Variants in ARHGAP17 observed in about 807,000 individuals in gnomAD.
ARHGAP17 encodes Rho GTPase activating protein 17.
ARHGAP17 carries 57 observed loss-of-function variants against 99.5 expected under a neutral mutation model. That is an observed-to-expected ratio of 0.57 (90% confidence interval 0.46 to 0.71). ARHGAP17 has a LOEUF of 0.71. Ranked by LOEUF, ARHGAP17 falls within the 30% of genes least tolerant of loss-of-function variation. The pLI, the probability that ARHGAP17 is intolerant of heterozygous loss-of-function variation, is 0.00. For synonymous variants in ARHGAP17, 417 were observed against 429.6 expected (o/e 0.97, Z 0.36); for missense variants, 1,000 against 1,122.4 (o/e 0.89, Z 1.56).
Position 24,939,644 on chromosome 16 carries a change from T to C in ARHGAP17, c.1491-47A>G, listed in dbSNP as rs200153867. On this transcript the variant is annotated intron_variant, in intron 16 of 19. Coordinates refer to ENST00000289968, the MANE Select transcript of ARHGAP17 (RefSeq NM_001006634.3). ...TCAACACACCATGCGAGCAGACTAC[T>C]GAGACAGAAGCCCATCGGTCCACAT... 2.5e-5 allele frequency: 39 copies of C among 1,539,076 alleles called. No homozygotes were observed. In the African/African-American group the frequency reaches 2.9e-4, roughly 11 times the overall value.
At chr16:24,961,208 C>CA (rs924007627) in intron 7 of ARHGAP17, among the ~76,000 whole-genome samples, 1 of 150,310 alleles carries the variant, frequency 6.7e-6, no homozygotes, top group Middle Eastern at 3.5e-3. Flanking sequence ...TATGTCTTGA[C>CA]AAAAAAACAA....
intron 1 of ARHGAP17, among the ~76,000 whole-genome samples, chr16:25,005,745 C>A (rs1046265076): frequency 6.6e-6 from 1 of 152,126 alleles, no homozygotes; most frequent in Non-Finnish European, 1.5e-5. Flanking sequence ...TGTAAGAACA[C>A]ATTCATTTTG....
chr16:24,977,266 G>A lies in ARHGAP17; in HGVS notation c.147C>T (p.Arg49=). 1 of 1,597,198 alleles carries A rather than the reference G, an allele frequency of 6.3e-7. No homozygotes were observed. The highest frequency in any genetic ancestry group is 8.6e-7 in the Non-Finnish European group (1 of 1,168,506). Residue 49 remains arginine (R), a synonymous_variant, in exon 3 of 20, where the codon CGC becomes CGT. Coordinates refer to ENST00000289968, the MANE Select transcript of ARHGAP17 (RefSeq NM_001006634.3). The stretch of plus-strand genomic sequence containing the variant: ...GCTGGCCCTGGAAACATGCCACCAA[G>A]CGCTTATGGGAATGGTGGCATATTG... ...VRSICHHSHK[R]LVACFQGQHG...
At chr16:24,935,988 G>A (rs1398079560) in intron 17 of ARHGAP17, 6 of 340,160 alleles carry the variant, frequency 1.8e-5, no homozygotes, top group Non-Finnish European at 3.4e-5. Flanking sequence ...CATCAGACTG[G>A]ACTCCAACGA....
In ARHGAP17 at chr16:24,962,895, T is replaced by C. The variant is rs146795675; in HGVS notation, c.573+1302A>G. Among the ~76,000 whole-genome samples the C allele has an allele frequency of 3.6e-3, 553 of 152,302 alleles. 5 individuals carry two copies. The highest frequency in any genetic ancestry group is 0.012 in the African/African-American group (514 of 41,558). ...TGTTATTTGAGTAGCAGATCAAACA[T>C]AGCTAAAGAGAGAATCAGTGAAACA... is the stretch of plus-strand genomic sequence containing the variant. On this transcript the variant is annotated intron_variant, in intron 7 of 19. Transcript: ENST00000289968.
At chr16:24,943,562 T>C (rs72770490) in intron 15 of ARHGAP17, among the ~76,000 whole-genome samples, 8,585 of 152,324 alleles carry the variant, frequency 0.056, 343 homozygotes, top group Middle Eastern at 0.13. Flanking sequence ...TGACTGGCTA[T>C]GTTTTAGTGA....
intron 16 of ARHGAP17, among the ~76,000 whole-genome samples, chr16:24,941,405 G>T (rs2051307880): frequency 1.3e-5 from 2 of 152,122 alleles, no homozygotes; most frequent in Admixed American, 1.3e-4. Context: ...AAAATCCCAT[G>T]AATTGCCCAT....
At chr16:24,958,832 C>G (rs2051891523) in intron 9 of ARHGAP17, among the ~76,000 whole-genome samples, 1 of 152,200 alleles carries the variant, frequency 6.6e-6, no homozygotes, top group Non-Finnish European at 1.5e-5. Flanking sequence ...GATCCCCTTT[C>G]AGCTCAAGAC....
At chr16:24,991,969 G>C (rs2141431599) in intron 1 of ARHGAP17, among the ~76,000 whole-genome samples, 1 of 152,322 alleles carries the variant, frequency 6.6e-6, no homozygotes, top group East Asian at 1.9e-4. Context: ...TGGGGGCACA[G>C]ATAGAAGAGT....
chr16:25,005,584 A>AT (rs913554864), intron 1 of ARHGAP17, among the ~76,000 whole-genome samples: 6 of 152,316 alleles, frequency 3.9e-5, no homozygotes, highest in East Asian at 1.9e-4. Flanking sequence ...GATCAATTAT[A>AT]TTTTTAACCC....
chr16:24,958,375 C>T (rs891222010), intron 9 of ARHGAP17, among the ~76,000 whole-genome samples: 2 of 152,178 alleles, frequency 1.3e-5, no homozygotes, highest in East Asian at 1.9e-4. Flanking sequence ...CTATGCGGGG[C>T]CCAGCCCACA....
intron 6 of ARHGAP17, 66 bp from the exon 7 acceptor site, chr16:24,964,374 A>ATCTATCTCCACCAGGT: frequency 9.0e-7 from 1 of 1,116,944 alleles, no homozygotes; most frequent in Non-Finnish European, 1.3e-6. Flanking sequence ...TGGAGGCAGG[A>ATCTATCTCCACCAGGT]CCTGGTGGAG....
intron 1 of ARHGAP17, among the ~76,000 whole-genome samples, chr16:24,986,588 G>A (rs1259195544): frequency 6.6e-6 from 1 of 152,200 alleles, no homozygotes. Context: ...ATGCATTTGT[G>A]TGCTATCTAT....
intron 16 of ARHGAP17, chr16:24,941,786 A>G (rs2051319524): frequency 1.5e-6 from 1 of 654,736 alleles, no homozygotes; most frequent in Non-Finnish European, 2.6e-6. Context: ...AAGAAACGTT[A>G]ACTGAGAAGC....
chr16:24,950,532 TA>T (rs2051602344), intron 12 of ARHGAP17, among the ~76,000 whole-genome samples: 1 of 152,086 alleles, frequency 6.6e-6, no homozygotes, highest in Admixed American at 6.5e-5. Context: ...ATTCCACAAT[TA>T]CAGAGAAAAG....
intron 19 of ARHGAP17, chr16:24,920,906 T>C (rs1245168636): frequency 4.6e-5 from 7 of 152,344 alleles, no homozygotes; most frequent in Admixed American, 4.6e-4. Flanking sequence ...CTGACATCAC[T>C]GAGGCAGACC....
intron 16 of ARHGAP17, 85 bp from the exon 17 acceptor site, chr16:24,939,682 C>G: frequency 7.1e-7 from 1 of 1,414,274 alleles, no homozygotes; most frequent in Non-Finnish European, 9.7e-7. Flanking sequence ...GTTAAAACCA[C>G]ACATGGGGAT....
chr16:24,997,841 G>A (rs374859937), intron 1 of ARHGAP17, among the ~76,000 whole-genome samples: 5 of 152,234 alleles, frequency 3.3e-5, no homozygotes, highest in East Asian at 3.8e-4. Flanking sequence ...AATGCTGGGT[G>A]AAGGGACCTG....
intron 1 of ARHGAP17, among the ~76,000 whole-genome samples, chr16:24,982,099 T>G (rs935474192): frequency 1.8e-4 from 27 of 152,152 alleles, no homozygotes; most frequent in Non-Finnish European, 7.4e-5. Flanking sequence ...GCTTAGATTT[T>G]TTTTTTTTAA....
Sources: gnomAD v4.1 joint callset for allele counts (sites outside exome capture counted in the v4.1 genomes callset) on GRCh38, gnomAD v4.1.1 for gene constraint, MANE v1.5 for transcripts, NCBI Gene and HGNC (gene_info 2026-07-23, HGNC 2026-07-21) for gene names.